The following SMYD3 variants were observed in gnomAD, a reference collection of about 807,000 sequenced individuals.
The protein encoded by SMYD3 is SET and MYND domain containing 3.
Under a neutral mutation model 57.7 loss-of-function variants are expected in SMYD3, and 36 were observed. That is an observed-to-expected ratio of 0.62 (90% confidence interval 0.48 to 0.82). SMYD3 has a LOEUF of 0.82. Ranked by LOEUF, SMYD3 falls within the 40% of genes least tolerant of loss-of-function variation. SMYD3 has a pLI of 0.00. For synonymous variants in SMYD3, 211 were observed against 195.0 expected (o/e 1.08, Z -0.68); for missense variants, 515 against 538.8 (o/e 0.96, Z 0.44).
At chr1:246,075,275 G>T (rs1004814147) in intron 5 of SMYD3, among the ~76,000 whole-genome samples, 8 of 152,260 alleles carry the variant, frequency 5.3e-5, no homozygotes, top group Admixed American at 1.3e-4. Flanking sequence ...AATAAAAATG[G>T]AAGAGGAAGA....
At chr1:246,107,100 C>CTATCCTGGCTAA (rs2061139655) in intron 5 of SMYD3, among the ~76,000 whole-genome samples, 1 of 139,960 alleles carries the variant, frequency 7.1e-6, no homozygotes, top group Non-Finnish European at 1.5e-5. Flanking sequence ...GAGATCGAGA[C>CTATCCTGGCTAA]CACGGTGAAA....
At chr1:245,780,329 T>C (rs1481929109) in intron 10 of SMYD3, among the ~76,000 whole-genome samples, 3 of 152,218 alleles carry the variant, frequency 2.0e-5, no homozygotes, top group Non-Finnish European at 4.4e-5. Context: ...TGGTGGAATA[T>C]TATTCAGCCA....
At chr1:246,429,517 T>TTTCCCAC (rs1305411081) in intron 1 of SMYD3, among the ~76,000 whole-genome samples, 5 of 152,220 alleles carry the variant, frequency 3.3e-5, no homozygotes, top group African/African-American at 1.2e-4. Context: ...GCTGGAGTTG[T>TTTCCCAC]AAAAATCCAT....
intron 8 of SMYD3, among the ~76,000 whole-genome samples, chr1:245,910,599 A>G (rs2054899643): frequency 6.6e-6 from 1 of 152,154 alleles, no homozygotes; most frequent in Non-Finnish European, 1.5e-5. Flanking sequence ...AATGGAACAC[A>G]TGAAAGAACG....
At chr1:245,834,283 C>T (rs1034060643) in intron 10 of SMYD3, among the ~76,000 whole-genome samples, 2 of 152,224 alleles carry the variant, frequency 1.3e-5, no homozygotes, top group Admixed American at 6.5e-5. Flanking sequence ...GAAGGCTCTG[C>T]TTGCACGTCT....
At chr1:246,254,691 G>T (rs2063852271) in intron 5 of SMYD3, among the ~76,000 whole-genome samples, 1 of 152,172 alleles carries the variant, frequency 6.6e-6, no homozygotes, top group African/African-American at 2.4e-5. Context: ...AGTTTCATAG[G>T]AATAGTGTTG....
chr1:245,916,327 G>A (rs77487463), intron 7 of SMYD3, among the ~76,000 whole-genome samples: 1,969 of 152,194 alleles, frequency 0.013, 42 homozygotes, highest in African/African-American at 0.044. Context: ...AGGACTCCTC[G>A]GACACTCTCT....
chr1:246,228,137 T>C (rs929886714), intron 5 of SMYD3, among the ~76,000 whole-genome samples: 1 of 151,942 alleles, frequency 6.6e-6, no homozygotes, highest in African/African-American at 2.4e-5. Context: ...GACCGGCTAA[T>C]TTTTGTATTT....
At chr1:246,493,090 A>G (rs2068295961) in intron 1 of SMYD3, among the ~76,000 whole-genome samples, 1 of 152,172 alleles carries the variant, frequency 6.6e-6, no homozygotes. Flanking sequence ...GGGTAAAGTT[A>G]ATGTTACTTT....
chr1:245,897,111 A>G (rs1482570070), intron 8 of SMYD3, among the ~76,000 whole-genome samples: 1 of 152,268 alleles, frequency 6.6e-6, no homozygotes, highest in Non-Finnish European at 1.5e-5. Context: ...TTAAAGTAAA[A>G]AAGAAGTTAT....
chr1:246,183,314 C>T lies in SMYD3; in HGVS notation c.531+143887G>A, dbSNP rs111374596. Among the ~76,000 whole-genome samples, 236 of 151,714 alleles carry T rather than the reference C, an allele frequency of 1.6e-3. 1 individual carries two copies. The highest frequency in any genetic ancestry group is 5.4e-3 in the African/African-American group (223 of 41,430). The stretch of plus-strand genomic sequence containing the variant: ...GAAACTACAAAGAAAACATCAACTG[C>T]GTCTTCAAAGCATTTTCAAGCACAA... On this transcript the variant is annotated intron_variant, in intron 5 of 11. Coordinates refer to ENST00000490107, the MANE Select transcript of SMYD3 (RefSeq NM_001167740.2).
intron 7 of SMYD3, among the ~76,000 whole-genome samples, chr1:245,924,342 C>T (rs2056208896): frequency 6.6e-6 from 1 of 152,118 alleles, no homozygotes. Flanking sequence ...AAAAAAAAGA[C>T]CCAATAACTC....
chr1:245,851,173 C>A (rs2050952881), intron 10 of SMYD3, among the ~76,000 whole-genome samples: 1 of 152,154 alleles, frequency 6.6e-6, no homozygotes, highest in Non-Finnish European at 1.5e-5. Context: ...TCCAGCAATT[C>A]CTCCTCAGGT....
At chr1:245,929,276 A>G (rs59880890) in intron 6 of SMYD3, among the ~76,000 whole-genome samples, 1,828 of 152,352 alleles carry the variant, frequency 0.012, 38 homozygotes, top group African/African-American at 0.042. Context: ...TAGATTCACA[A>G]TTATTAGAAA....
chr1:246,105,514 A>G (rs1319071643), intron 5 of SMYD3, among the ~76,000 whole-genome samples: 1 of 152,174 alleles, frequency 6.6e-6, no homozygotes, highest in East Asian at 1.9e-4. Flanking sequence ...CTGAACTCCA[A>G]GTGAAAGGCC....
chr1:246,132,304 T>G (rs1278369323), intron 5 of SMYD3, among the ~76,000 whole-genome samples: 2 of 152,002 alleles, frequency 1.3e-5, no homozygotes, highest in Non-Finnish European at 2.9e-5. Flanking sequence ...TTTAAAAAAT[T>G]AATTGGGTTA....
At chr1:246,493,224 G>A (rs947589005) in intron 1 of SMYD3, among the ~76,000 whole-genome samples, 3 of 144,910 alleles carry the variant, frequency 2.1e-5, no homozygotes, top group Non-Finnish European at 3.0e-5. Flanking sequence ...GGGAGGAGAG[G>A]GGGGCTGAGG....
intron 5 of SMYD3, among the ~76,000 whole-genome samples, chr1:246,219,639 G>T (rs1473768237): frequency 6.6e-6 from 1 of 152,142 alleles, no homozygotes; most frequent in Admixed American, 6.5e-5. Flanking sequence ...AAAGGCAGAG[G>T]GCCCATTGAG....
rs34758534 is a variant in SMYD3, at chr1:246,170,411, C to CTT, written c.531+156788_531+156789dup. On this transcript the variant is annotated intron_variant, in intron 5 of 11. Transcript: ENST00000490107. ...CATTTAACCACTCCCACACTCATTA[C>CTT]TTTTTTTTTTTTTTGCTATTAAAAA... Among the ~76,000 whole-genome samples the CTT allele has an allele frequency of 5.9e-3, 827 of 141,238 alleles. 6 individuals are homozygous for CTT. Among genetic ancestry groups the CTT allele is most frequent in the East Asian group, 0.029 (138 of 4,832 alleles). The allele number at this position is 141,238 out of a possible 152,430, so 92.7% of individuals were successfully genotyped here. A position where few individuals can be genotyped will look rare whatever the true frequency, so the allele number is the denominator to read the frequency against.
Sources: allele counts gnomAD v4.1 joint callset (sites outside exome capture counted in the v4.1 genomes callset), GRCh38; gene constraint gnomAD v4.1.1; transcripts MANE v1.5; gene names NCBI Gene and HGNC (gene_info 2026-07-23, HGNC 2026-07-21).